DOCK9: variants seen among roughly 807,000 people sequenced by gnomAD.
DOCK9 encodes the protein dedicator of cytokinesis 9.
A neutral mutation model predicts 263.3 loss-of-function variants in DOCK9; 89 were observed. That is an observed-to-expected ratio of 0.34 (90% CI 0.28 to 0.40). The LOEUF is 0.40. Ranked by LOEUF, DOCK9 falls within the 10% of genes least tolerant of loss-of-function variation. The pLI is 1.00. For missense variants in DOCK9, 2,140 were observed against 2,603.4 expected (o/e 0.82, Z 3.87); for synonymous variants, 976 against 973.1 (o/e 1.00, Z -0.06).
rs575651760 is a variant in DOCK9 at position 98,927,578 on chromosome 13, T to C, written c.334-1659A>G. ...AACTAAATAAACCAGCATAAATTTG[T>C]ATATTATAAATGCATTTATGAATGG... On this transcript the variant is annotated intron_variant, in intron 3 of 52. Coordinates refer to ENST00000682017, the MANE Select transcript of DOCK9 (RefSeq NM_001366683.2). Among the ~76,000 whole-genome samples the C allele has an allele frequency of 8.0e-4, 122 of 152,254 alleles. 1 individual carries two copies. Among genetic ancestry groups the C allele is most frequent in the African/African-American group, 2.8e-3 (117 of 41,534 alleles).
At chr13:99,081,214 T>C (rs1473601838) in intron 1 of DOCK9, among the ~76,000 whole-genome samples, 1 of 152,186 alleles carries the variant, frequency 6.6e-6, no homozygotes. Context: ...AACGAGATTT[T>C]ACCTTACTTG....
At chr13:98,860,270 A>G in intron 33 of DOCK9, 135 bp downstream of exon 33, 2 of 1,472,822 alleles carry the variant, frequency 1.4e-6, no homozygotes, top group Non-Finnish European at 1.8e-6. Context: ...TATCACAAGC[A>G]GGAAAAGAAT....
chr13:99,077,595 A>C (rs2041961150), intron 1 of DOCK9, among the ~76,000 whole-genome samples: 1 of 152,142 alleles, frequency 6.6e-6, no homozygotes, highest in Non-Finnish European at 1.5e-5. Flanking sequence ...ATGGACTAAT[A>C]CACCCTACTA....
chr13:98,930,100 TTAAAG>T, intron 3 of DOCK9, 63 bp downstream of exon 3: 1 of 1,396,878 alleles, frequency 7.2e-7, no homozygotes, highest in Non-Finnish European at 9.9e-7. Flanking sequence ...ATTTTGAAAT[TTAAAG>T]AAAAGGAGGC....
At chr13:99,034,877 G>A (rs1887704924) in intron 1 of DOCK9, among the ~76,000 whole-genome samples, 1 of 152,186 alleles carries the variant, frequency 6.6e-6, no homozygotes, top group Admixed American at 6.5e-5. Context: ...AAACAGACAG[G>A]CAGTTCCTTG....
At chr13:99,081,180 A>C (rs1295520930) in intron 1 of DOCK9, among the ~76,000 whole-genome samples, 1 of 152,204 alleles carries the variant, frequency 6.6e-6, no homozygotes, top group Non-Finnish European at 1.5e-5. Context: ...GCTTACTGAC[A>C]TCTGATTTTA....
In DOCK9 at chr13:98,866,863, C is replaced by T. The variant is rs150123063; in HGVS notation, c.3286+562G>A. On this transcript the variant is annotated intron_variant, in intron 30 of 52. Coordinates refer to ENST00000682017, the MANE Select transcript of DOCK9 (RefSeq NM_001366683.2). ...CCCAGTGACTTCAGGAGCAAAAAACCGGATGCCTCCCTGGGATGTTACAGC... is the reference window on the plus strand; with the variant it reads ...CCCAGTGACTTCAGGAGCAAAAAACTGGATGCCTCCCTGGGATGTTACAGC... Among the ~76,000 whole-genome samples, 323 of 152,218 alleles carry T rather than the reference C, an allele frequency of 2.1e-3. 2 individuals are homozygous for T. The highest frequency in any genetic ancestry group is 3.8e-3 in the Non-Finnish European group (257 of 68,010).
At chr13:98,999,498 C>T (rs189979638) in intron 1 of DOCK9, among the ~76,000 whole-genome samples, 50 of 152,274 alleles carry the variant, frequency 3.3e-4, no homozygotes, top group Non-Finnish European at 4.1e-4. Flanking sequence ...CTCCTGAATT[C>T]TCCAGTTGCC....
intron 1 of DOCK9, among the ~76,000 whole-genome samples, chr13:98,961,117 G>A (rs2141112121): frequency 6.6e-6 from 1 of 152,318 alleles, no homozygotes; most frequent in East Asian, 1.9e-4. Flanking sequence ...GTTAAATGCA[G>A]AGCTAAGGTC....
Position 98,863,151 on chromosome 13 carries a change from T to A in DOCK9, c.3466-19A>T. Reference sequence around the variant, plus strand: ...GATGGCTCTGAAAAGAAGACACACATGGTAAGTTTGACCCAGGATTCTGAG... The same window carrying A: ...GATGGCTCTGAAAAGAAGACACACAAGGTAAGTTTGACCCAGGATTCTGAG... On this transcript the variant is annotated intron_variant, in intron 31 of 52. Transcript: ENST00000682017. The A allele has an allele frequency of 1.3e-6, 2 of 1,585,364 alleles. No homozygotes were observed. Among genetic ancestry groups the A allele is most frequent in the Non-Finnish European group, 1.7e-6 (2 of 1,163,740 alleles).
chr13:98,878,262 T>C (rs2044178141), intron 27 of DOCK9, among the ~76,000 whole-genome samples: 1 of 152,244 alleles, frequency 6.6e-6, no homozygotes, highest in South Asian at 2.1e-4. Context: ...TGTGGTACTT[T>C]ATTATGGCAA....
At chr13:98,839,668 T>C (rs2093137075) in intron 38 of DOCK9, among the ~76,000 whole-genome samples, 2 of 152,268 alleles carry the variant, frequency 1.3e-5, no homozygotes, top group Admixed American at 6.5e-5. Context: ...ATCTAGGTGA[T>C]GATTACCAAT....
At chr13:98,953,176 T>C (rs765175045) in intron 2 of DOCK9, among the ~76,000 whole-genome samples, 7 of 152,198 alleles carry the variant, frequency 4.6e-5, no homozygotes, top group Non-Finnish European at 1.0e-4. Context: ...CAAATAATTG[T>C]ACCCAAACTT....
chr13:98,865,993 G>T (rs1371326959), intron 30 of DOCK9, among the ~76,000 whole-genome samples: 1 of 151,770 alleles, frequency 6.6e-6, no homozygotes, highest in South Asian at 2.1e-4. Flanking sequence ...CCACAGAGGT[G>T]GGGGGCCAGG....
intron 2 of DOCK9, among the ~76,000 whole-genome samples, chr13:98,933,596 A>C (rs2054305736): frequency 6.6e-6 from 1 of 152,234 alleles, no homozygotes; most frequent in Non-Finnish European, 1.5e-5. Flanking sequence ...TTTCTCCCCC[A>C]GAGACTTCAT....
chr13:98,886,858 C>G (rs1051551916), intron 18 of DOCK9, among the ~76,000 whole-genome samples: 1 of 152,074 alleles, frequency 6.6e-6, no homozygotes, highest in Non-Finnish European at 1.5e-5. Context: ...CTGGATGATG[C>G]CTTGCTCACT....
intron 1 of DOCK9, among the ~76,000 whole-genome samples, chr13:99,007,115 T>C (rs556927079): frequency 6.6e-6 from 1 of 151,676 alleles, no homozygotes; most frequent in South Asian, 2.1e-4. Context: ...TTAGGCCAGG[T>C]GCAGTGGTTC....
intron 15 of DOCK9, among the ~76,000 whole-genome samples, chr13:98,890,370 C>G (rs2046431537): frequency 6.6e-6 from 1 of 152,186 alleles, no homozygotes; most frequent in South Asian, 2.1e-4. Context: ...TGCAGCGCTT[C>G]TTTGACTCAT....
chr13:98,949,350 C>T (rs567131071), intron 2 of DOCK9, among the ~76,000 whole-genome samples: 109 of 152,236 alleles, frequency 7.2e-4, no homozygotes, highest in Non-Finnish European at 1.4e-3. Context: ...TCAATTATGC[C>T]CCTGGGCTTG....
Sources: gnomAD v4.1 joint callset for allele counts (sites outside exome capture counted in the v4.1 genomes callset) on GRCh38, gnomAD v4.1.1 for gene constraint, MANE v1.5 for transcripts, NCBI Gene and HGNC (gene_info 2026-07-23, HGNC 2026-07-21) for gene names.